The following COL16A1 variants were observed in gnomAD, a reference collection of about 807,000 sequenced individuals.
COL16A1 encodes collagen alpha-1(XVI) chain.
A neutral mutation model predicts 266.3 loss-of-function variants in COL16A1; 189 were observed. The ratio of observed to expected loss-of-function variants is 0.71; its 90% CI spans 0.63 to 0.80. The LOEUF (loss-of-function observed/expected upper bound fraction) is 0.80, where lower values mean the gene tolerates loss of function less well. Among genes scored for constraint, COL16A1 ranks in the 30% least tolerant of loss-of-function variants. COL16A1 has a pLI of 0.00. For missense variants in COL16A1, 1,928 were observed against 2,122.4 expected (o/e 0.91, Z 1.80); for synonymous variants, 740 against 782.3 (o/e 0.95, Z 0.90).
At chr1:31,671,519 G>T in intron 48 of COL16A1, 96 bp downstream of exon 48, 1 of 1,510,072 alleles carries the variant, frequency 6.6e-7, no homozygotes, top group Non-Finnish European at 9.1e-7. Context: ...CTCCTGCCTT[G>T]CCCAGCCTTT....
rs143283623 is a variant in COL16A1 at position 31,661,625 on chromosome 1, C to T, written c.3726+35G>A. 1.1e-3 allele frequency: 1,793 copies of T among 1,613,666 alleles called. 19 individuals are homozygous for T. The African/African-American group carries it at 0.021, about 19-fold the overall frequency. On this transcript the variant is annotated intron_variant, in intron 59 of 70. Coordinates refer to ENST00000373672, the MANE Select transcript of COL16A1 (RefSeq NM_001856.4). ...GCCACCCAGGCAGAAGCTGCAACTT[C>T]GCAGCTTCCAACTCCTTCCTGCAGC...
chr1:31,655,672 C>A, intron 66 of COL16A1, 170 bp from the exon 67 acceptor site: 2 of 1,150,490 alleles, frequency 1.7e-6, no homozygotes, highest in East Asian at 2.5e-5. Context: ...TTCTAGAAGA[C>A]AGTTCTCCTG....
At chr1:31,675,898 C>A (rs906387643) in intron 42 of COL16A1, among the ~76,000 whole-genome samples, 4 of 152,138 alleles carry the variant, frequency 2.6e-5, no homozygotes, top group African/African-American at 9.7e-5. Context: ...CTTAAGTGAT[C>A]CTCCCCGCTC....
intron 23 of COL16A1, chr1:31,689,520 C>T (rs1012092989): frequency 6.8e-6 from 4 of 591,680 alleles, no homozygotes; most frequent in Non-Finnish European, 1.2e-5. Flanking sequence ...CCTGGAAAGC[C>T]CTGGGAGGTT....
chr1:31,701,837 C>CAG (rs1407000819), intron 2 of COL16A1, among the ~76,000 whole-genome samples: 8 of 152,078 alleles, frequency 5.3e-5, no homozygotes, highest in Non-Finnish European at 1.2e-4. Context: ...CTCTTACACA[C>CAG]AGAGACACAG....
chr1:31,693,984 C>T (rs575395337), intron 12 of COL16A1, among the ~76,000 whole-genome samples, 160 bp downstream of exon 12: 12 of 152,366 alleles, frequency 7.9e-5, no homozygotes, highest in African/African-American at 2.6e-4. Context: ...TGCACACACA[C>T]AAACCCCTGC....
rs1214180811 is a variant in COL16A1 at position 31,681,065 on chromosome 1, G to T, written c.2541C>A (p.Gly847=). Residue 847 remains glycine (G), a splice_region_variant and synonymous_variant, in exon 38 of 71, where the codon GGC becomes GGA. Coordinates refer to ENST00000373672, the MANE Select transcript of COL16A1 (RefSeq NM_001856.4). ...PPGASVSGPP[G]RDGQQGQTGL... is the part of the protein sequence containing the mutation. The stretch of plus-strand genomic sequence containing the variant: ...CCGTCTGTCCTTGCTGCCCATCACG[G>T]CCCTGAAGAGAGAGAGCCCAGAGTC... 3 of 1,612,004 alleles carry T rather than the reference G, an allele frequency of 1.9e-6. No homozygotes were observed. In the Admixed American group the frequency reaches 5.0e-5, roughly 27 times the overall value.
chr1:31,664,755 G>A lies in COL16A1; in HGVS notation c.3555+417C>T, dbSNP rs547556488. Among the ~76,000 whole-genome samples, 6 of 152,222 alleles carry A rather than the reference G, an allele frequency of 3.9e-5. No individual in the cohort carries two copies. Among genetic ancestry groups the A allele is most frequent in the East Asian group, 1.9e-4 (1 of 5,168 alleles). On this transcript the variant is annotated intron_variant, in intron 56 of 70. Transcript: ENST00000373672. The surrounding 1 kb of genome is among the most constrained non-coding windows in gnomAD (Gnocchi z 5.5). ...CAGGAGGAGCCCATTCCCCTTCCAC[G>A]TTGGTGTCCTCCTTCAGGACGTGCT...
chr1:31,666,131 G>A (rs766052791), intron 52 of COL16A1, 50 bp from the exon 53 acceptor site: 2 of 1,574,838 alleles, frequency 1.3e-6, no homozygotes, highest in Non-Finnish European at 8.7e-7. Flanking sequence ...GGAGGTGAAG[G>A]ATGAGGTAGG....
rs558673718 is a variant in COL16A1, at chr1:31,683,789, A to T, written c.2338-41T>A. On this transcript the variant is annotated intron_variant, in intron 33 of 70. Transcript: ENST00000373672. ...GACAGTCCCTGGCTCGAGGTTCCCCAGTCACCCTTTCCCCTTCTCCCCAGC... is the reference window on the plus strand; with the variant it reads ...GACAGTCCCTGGCTCGAGGTTCCCCTGTCACCCTTTCCCCTTCTCCCCAGC... The T allele has an allele frequency of 1.4e-5, 23 of 1,613,682 alleles. No individual in the cohort carries two copies. The South Asian group carries it at 2.5e-4, about 18-fold the overall frequency.
At chr1:31,683,613 C>T in intron 34 of COL16A1, 94 bp downstream of exon 34, 1 of 1,607,870 alleles carries the variant, frequency 6.2e-7, no homozygotes, top group Non-Finnish European at 8.5e-7. Flanking sequence ...CCTCTGGGGG[C>T]AGGCAGAGCC....
rs1176152433 is a variant in COL16A1 at position 31,681,071 on chromosome 1, AAG to A, written c.2539-6_2539-5del. 1 of 1,611,352 alleles carries A rather than the reference AAG, an allele frequency of 6.2e-7. No homozygotes were observed. The highest frequency in any genetic ancestry group is 8.5e-7 in the Non-Finnish European group (1 of 1,178,878). ...GTCCTTGCTGCCCATCACGGCCCTG[AAG>A]AGAGAGAGCCCAGAGTCAGAGGGTG... is the stretch of plus-strand genomic sequence containing the variant. On this transcript the variant is annotated splice_region_variant and splice_polypyrimidine_tract_variant and intron_variant, in intron 37 of 70. Coordinates refer to ENST00000373672, the MANE Select transcript of COL16A1 (RefSeq NM_001856.4).
chr1:31,700,566 T>A (rs1487514011), intron 2 of COL16A1, among the ~76,000 whole-genome samples: 1 of 152,184 alleles, frequency 6.6e-6, no homozygotes, highest in African/African-American at 2.4e-5. Flanking sequence ...GGTAAGGAAA[T>A]GTCAGAATCA....
intron 42 of COL16A1, among the ~76,000 whole-genome samples, chr1:31,676,389 G>C (rs1443761132): frequency 6.6e-6 from 1 of 151,160 alleles, no homozygotes; most frequent in Non-Finnish European, 1.5e-5. Context: ...AGTTGAGCAA[G>C]GCACAGAGCT....
chr1:31,671,522 C>T, intron 48 of COL16A1, 93 bp downstream of exon 48: 1 of 1,540,538 alleles, frequency 6.5e-7, no homozygotes. Context: ...CTGCCTTGCC[C>T]AGCCTTTTGG....
chr1:31,661,130 G>A lies in COL16A1; in HGVS notation c.3772-11C>T. 7.7e-6 allele frequency: 12 copies of A among 1,561,406 alleles called. No homozygotes were observed. The highest frequency in any genetic ancestry group is 1.0e-5 in the Non-Finnish European group (12 of 1,151,730). ...TTTGCCACAGTCACCCTAGAAGAGAGAGGAGCAGCTGGAGCTTACCAGACC... is the reference window on the plus strand; with the variant it reads ...TTTGCCACAGTCACCCTAGAAGAGAAAGGAGCAGCTGGAGCTTACCAGACC... On this transcript the variant is annotated splice_polypyrimidine_tract_variant and intron_variant, in intron 60 of 70. Transcript: ENST00000373672.
chr1:31,695,520 G>A (rs1188064538), intron 10 of COL16A1, among the ~76,000 whole-genome samples: 1 of 152,098 alleles, frequency 6.6e-6, no homozygotes, highest in Non-Finnish European at 1.5e-5. Flanking sequence ...GCTGAAGGCT[G>A]GGCTCTCCCC....
intron 61 of COL16A1, 55 bp downstream of exon 61, chr1:31,661,011 C>A (rs1216995444): frequency 2.0e-6 from 3 of 1,524,640 alleles, no homozygotes; most frequent in Non-Finnish European, 2.6e-6. Context: ...GCATCCCAGA[C>A]TCTGCAGAGT....
At position 31,698,647 on chromosome 1, in the gene COL16A1, G is replaced by A; in HGVS notation, c.267-41C>T. The A allele has an allele frequency of 6.2e-7, 1 of 1,607,624 alleles. No homozygotes were observed. Among genetic ancestry groups the A allele is most frequent in the South Asian group, 1.1e-5 (1 of 90,480 alleles). ...GGAGGGTGCCCTGAGGCTCCAATGA[G>A]GACCCAAATGCTGCCCACCCTGAGC... is the stretch of plus-strand genomic sequence containing the variant. On this transcript the variant is annotated intron_variant, in intron 4 of 70. Coordinates refer to ENST00000373672, the MANE Select transcript of COL16A1 (RefSeq NM_001856.4). The surrounding 1 kb of genome is among the most constrained non-coding windows in gnomAD (Gnocchi z 4.1).
Sources: gnomAD v4.1 joint callset for allele counts (sites outside exome capture counted in the v4.1 genomes callset) on GRCh38, gnomAD v4.1.1 for gene constraint, Gnocchi (gnomAD v3.1) non-coding constraint, MANE v1.5 for transcripts, NCBI Gene and HGNC (gene_info 2026-07-23, HGNC 2026-07-21) for gene names.